SCRG1: variants seen among roughly 807,000 people sequenced by gnomAD.
SCRG1 encodes the protein stimulator of chondrogenesis 1.
SCRG1 carries 3 observed loss-of-function variants against 7.7 expected under a neutral mutation model. That is an observed-to-expected ratio of 0.39 (90% CI 0.18 to 1.01). SCRG1 has a LOEUF of 1.01. SCRG1 is among the 50% of genes least tolerant of loss of function. The pLI is 0.36. For missense variants in SCRG1, 110 were observed against 117.2 expected (o/e 0.94, Z 0.28); for synonymous variants, 46 against 41.2 (o/e 1.12, Z -0.44).
the SCRG1 span, among the ~76,000 whole-genome samples, chr4:173,447,769 A>G: frequency 6.6e-6 from 1 of 152,166 alleles, no homozygotes; most frequent in African/African-American, 2.4e-5. Context: ...AAGCACATAT[A>G]AAGTACTTCT....
At chr4:173,420,400 G>A in the SCRG1 span, among the ~76,000 whole-genome samples, 410 of 152,294 alleles carry the variant, frequency 2.7e-3, 1 homozygote, top group Non-Finnish European at 4.4e-3. Flanking sequence ...ACAATGCTTG[G>A]CACATAGTAG....
chr4:173,484,142 G>T, the SCRG1 span, among the ~76,000 whole-genome samples: 85,777 of 87,702 alleles, frequency 0.98, 41,980 homozygotes, highest in Middle Eastern at 1. Flanking sequence ...ATATAATATA[G>T]AATATAGAAT....
At chr4:173,428,222 A>T in the SCRG1 span, among the ~76,000 whole-genome samples, 7 of 152,202 alleles carry the variant, frequency 4.6e-5, no homozygotes, top group Non-Finnish European at 7.4e-5. Flanking sequence ...AGGGAATCAC[A>T]ATTTACCCCT....
intron 1 of SCRG1, among the ~76,000 whole-genome samples, chr4:173,397,385 A>G (rs1315224891): frequency 1.3e-5 from 2 of 152,328 alleles, no homozygotes; most frequent in African/African-American, 4.8e-5. Flanking sequence ...AATACACCCA[A>G]ATTACAAAAG....
chr4:173,418,737 C>T, the SCRG1 span, among the ~76,000 whole-genome samples: 2 of 152,052 alleles, frequency 1.3e-5, no homozygotes, highest in Admixed American at 6.5e-5. Flanking sequence ...ATTGGATCAC[C>T]GGTGGGGCGG....
chr4:173,419,182 T>C, the SCRG1 span: 1 of 337,676 alleles, frequency 3.0e-6, no homozygotes. Flanking sequence ...CTCTTCCATC[T>C]TTTTTTTCTG....
the SCRG1 span, among the ~76,000 whole-genome samples, chr4:173,434,128 AG>A: frequency 1.3e-5 from 2 of 152,166 alleles, no homozygotes; most frequent in African/African-American, 4.8e-5. Context: ...AGATGGGGCC[AG>A]GGTGGGAAGG....
At chr4:173,399,576 T>A (rs964238857), upstream of SCRG1, 1 of 152,438 alleles carries the variant, frequency 6.6e-6, no homozygotes, top group African/African-American at 2.4e-5. Context: ...CCTTTCACAG[T>A]TTTCCTAGCC....
chr4:173,410,555 T>A (rs1457791816), upstream of SCRG1, among the ~76,000 whole-genome samples: 2 of 152,178 alleles, frequency 1.3e-5, no homozygotes, highest in East Asian at 3.9e-4. Flanking sequence ...CAGGTTTCTG[T>A]ACAACAGAGA....
At chr4:173,478,145 A>G in the SCRG1 span, among the ~76,000 whole-genome samples, 1 of 152,204 alleles carries the variant, frequency 6.6e-6, no homozygotes, top group Non-Finnish European at 1.5e-5. Flanking sequence ...TTGGAAAAAC[A>G]TAATTCCGAC....
chr4:173,423,052 C>T, the SCRG1 span, among the ~76,000 whole-genome samples: 1 of 152,062 alleles, frequency 6.6e-6, no homozygotes, highest in Non-Finnish European at 1.5e-5. Flanking sequence ...TCACGATTCA[C>T]CTGGTTTTCT....
chr4:173,488,927 T>C, the SCRG1 span, among the ~76,000 whole-genome samples: 11 of 152,186 alleles, frequency 7.2e-5, no homozygotes, highest in Admixed American at 2.0e-4. Context: ...CATGAAAAGA[T>C]GGCAGAATGA....
At chr4:173,495,528 A>G in the SCRG1 span, among the ~76,000 whole-genome samples, 1 of 152,378 alleles carries the variant, frequency 6.6e-6, no homozygotes, top group African/African-American at 2.4e-5. Context: ...ATGCATGGGA[A>G]ATATGGGTTT....
the SCRG1 span, among the ~76,000 whole-genome samples, chr4:173,434,296 A>C: frequency 2.0e-5 from 3 of 152,220 alleles, no homozygotes; most frequent in Admixed American, 2.0e-4. Flanking sequence ...GGGGGGTGGT[A>C]AAAAGTAGAA....
rs191212879 is a variant in SCRG1 at position 173,385,819 on chromosome 4, G to A, written c.*2522C>T. 3.4e-4 allele frequency: 52 copies of A among 152,256 alleles called. No individual in the cohort carries two copies. The highest frequency in any genetic ancestry group is 2.8e-3 in the Admixed American group (43 of 15,290). The allele number at this position is 152,256 out of a possible 1,614,324, so 9.4% of individuals were successfully genotyped here. A position where few individuals can be genotyped will look rare whatever the true frequency, so the allele number is the denominator to read the frequency against. On this transcript the variant is annotated 3_prime_UTR_variant, in exon 3 of 3. Coordinates refer to ENST00000296506, the MANE Select transcript of SCRG1 (RefSeq NM_007281.4). ...TGTGTCATTTGTAAATGGAGACACT[G>A]GATCTTTAATGCTTTTTCCCCCTCA...
the SCRG1 span, among the ~76,000 whole-genome samples, chr4:173,484,625 A>ATATATATTATATGCATATAATATATAT: frequency 4.3e-4 from 37 of 86,022 alleles, no homozygotes; most frequent in African/African-American, 8.1e-4. Context: ...TATGCATGTA[A>ATATATATTATATGCATATAATATATAT]TATATATTAT....
chr4:173,509,333 G>T, the SCRG1 span, among the ~76,000 whole-genome samples: 1 of 152,218 alleles, frequency 6.6e-6, no homozygotes, highest in Admixed American at 6.5e-5. The surrounding 1 kb of genome is among the most constrained non-coding windows in gnomAD (Gnocchi z 5.7). Flanking sequence ...TAAAGCCCTC[G>T]CGCGCTCTGA....
At chr4:173,463,940 A>G in the SCRG1 span, among the ~76,000 whole-genome samples, 19 of 152,288 alleles carry the variant, frequency 1.2e-4, no homozygotes, top group East Asian at 3.3e-3. Flanking sequence ...CTGAGCCAAG[A>G]TTCAACGGAC....
the SCRG1 span, among the ~76,000 whole-genome samples, chr4:173,501,023 C>T: frequency 2.6e-5 from 4 of 152,224 alleles, no homozygotes; most frequent in Admixed American, 6.5e-5. This position sits in a 1 kb window ranked among gnomAD's most constrained non-coding sequence, Gnocchi z 5.1. Flanking sequence ...GGGAGGCTCC[C>T]AGTGGCTGGG....
Sources: gnomAD v4.1 joint callset for allele counts (sites outside exome capture counted in the v4.1 genomes callset) on GRCh38, gnomAD v4.1.1 for gene constraint, Gnocchi (gnomAD v3.1) non-coding constraint, MANE v1.5 for transcripts, NCBI Gene and HGNC (gene_info 2026-07-23, HGNC 2026-07-21) for gene names.